Variants in HERC1 observed in about 807,000 individuals in gnomAD.
The protein encoded by HERC1 is HECT and RLD domain containing E3 ubiquitin protein ligase family member 1.
HERC1 carries 160 observed loss-of-function variants against 554.3 expected under a neutral mutation model. That is an observed-to-expected ratio of 0.29 (90% CI 0.25 to 0.33). The LOEUF (loss-of-function observed/expected upper bound fraction) is 0.33, where lower values mean the gene tolerates loss of function less well. Ranked by LOEUF, HERC1 falls within the 10% of genes least tolerant of loss-of-function variation. HERC1 has a pLI of 1.00. For missense variants in HERC1, 4,919 were observed against 5,918.5 expected (o/e 0.83, Z 5.54); for synonymous variants, 2,175 against 2,131.7 (o/e 1.02, Z -0.56).
intron 45 of HERC1, 143 bp from the exon 46 acceptor site, chr15:63,661,168 T>C: frequency 1.6e-6 from 1 of 630,662 alleles, no homozygotes; most frequent in Non-Finnish European, 2.8e-6. Context: ...TAGGCTAACA[T>C]AATAAAAACT....
intron 51 of HERC1, 72 bp from the exon 52 acceptor site, chr15:63,652,613 C>T: frequency 7.9e-7 from 1 of 1,259,848 alleles, no homozygotes; most frequent in South Asian, 1.4e-5. Flanking sequence ...AAGTTGTATC[C>T]AATTTTTAAA....
Position 63,645,672 on chromosome 15 carries a change from A to G in HERC1, c.10889T>C (p.Ile3630Thr). ...VLIDAHKDTL[I>T]SMKWDPTGHI... is the part of the protein sequence containing the mutation. ...ACCTGTAGGGTCCCACTTCATGCTA[A>G]TAAGAGTATCCTTAAAATGGAAGGA... Residue 3630 changes from isoleucine to threonine, a missense_variant, in exon 56 of 78, where the codon ATT becomes ACT. By Grantham distance (89) the Ile-to-Thr change is moderately conservative. Transcript: ENST00000443617. 5 of 1,568,972 alleles carry G rather than the reference A, an allele frequency of 3.2e-6. No individual in the cohort carries two copies. The highest frequency in any genetic ancestry group is 2.3e-5 in the East Asian group (1 of 44,056).
intron 1 of HERC1, among the ~76,000 whole-genome samples, chr15:63,787,343 G>C (rs939624150): frequency 6.6e-6 from 1 of 151,618 alleles, no homozygotes; most frequent in Non-Finnish European, 1.5e-5. Flanking sequence ...TTTTAGTAGA[G>C]GCAGGGTTTC....
chr15:63,683,809 C>A (rs2071605987), intron 34 of HERC1, among the ~76,000 whole-genome samples: 2 of 152,228 alleles, frequency 1.3e-5, no homozygotes, highest in South Asian at 4.1e-4. Context: ...GCCCCCATAA[C>A]TGGCCCCATC....
At chr15:63,759,597 T>C (rs781188190) in intron 3 of HERC1, among the ~76,000 whole-genome samples, 65 of 152,362 alleles carry the variant, frequency 4.3e-4, no homozygotes, top group East Asian at 9.6e-4. Flanking sequence ...TTGTTTACTA[T>C]ATTTTGTGAC....
chr15:63,690,546 C>A lies in HERC1; in HGVS notation c.5932G>T (p.Ala1978Ser), dbSNP rs34484871. Residue 1978 changes from alanine (A) to serine (S), a missense_variant, in exon 32 of 78, where the codon GCC (alanine) becomes TCC (serine). Coordinates refer to ENST00000443617, the MANE Select transcript of HERC1 (RefSeq NM_003922.4). ...CESGVEDDQM[A>S]QIVERLFSLL... The stretch of plus-strand genomic sequence containing the variant: ...ATAATTTTAAAAATAAAAACCTGGG[C>A]CATTTGATCATCTTCTACACCAGAT... The A allele has an allele frequency of 0.013, 20,152 of 1,594,580 alleles. 184 individuals are homozygous for A. Among genetic ancestry groups the A allele is most frequent in the Middle Eastern group, 0.03 (178 of 5,994 alleles).
intron 1 of HERC1, among the ~76,000 whole-genome samples, chr15:63,778,217 C>A (rs1323998850): frequency 6.6e-6 from 1 of 152,116 alleles, no homozygotes; most frequent in Non-Finnish European, 1.5e-5. Context: ...TTGTGGCAAG[C>A]AAAGGCAGAC....
At chr15:63,645,381 G>T in intron 56 of HERC1, 102 bp downstream of exon 56, 1 of 807,170 alleles carries the variant, frequency 1.2e-6, no homozygotes, top group Non-Finnish European at 1.9e-6. Flanking sequence ...AATAGCAACT[G>T]GCAATAAACT....
intron 69 of HERC1, 127 bp downstream of exon 69, chr15:63,630,339 A>G (rs2068491132): frequency 2.1e-6 from 2 of 955,998 alleles, no homozygotes; most frequent in African/African-American, 1.6e-5. Context: ...AATCAGTCCC[A>G]TAGCAAAGTG....
In HERC1 at chr15:63,716,421, G is replaced by A; in HGVS notation, c.4031C>T (p.Thr1344Ile). 1 of 1,613,676 alleles carries A rather than the reference G, an allele frequency of 6.2e-7. No homozygotes were observed. Among genetic ancestry groups the A allele is most frequent in the Non-Finnish European group, 8.5e-7 (1 of 1,179,734 alleles). ...ADVDPQEHSF[T>I]RTIDEEAEME... ...TTCAGCTTCTTCATCAATAGTTCGAGTAAATGAATGCTCCTGAGGATCAAC... is the reference window on the plus strand; with the variant it reads ...TTCAGCTTCTTCATCAATAGTTCGAATAAATGAATGCTCCTGAGGATCAAC... Residue 1344 changes from threonine to isoleucine, a missense_variant, in exon 22 of 78, where the codon ACT becomes ATT. Around this residue, in one of 11 missense-constraint regions of HERC1, gnomAD observed 1,121 missense variants for 1,244.0 expected, o/e 0.90. Transcript: ENST00000443617.
chr15:63,754,509 G>T lies in HERC1; in HGVS notation c.1770C>A (p.Asp590Glu). Residue 590 changes from aspartate to glutamate, a missense_variant, in exon 7 of 78, where the codon GAC (aspartate) becomes GAA (glutamate). Coordinates refer to ENST00000443617, the MANE Select transcript of HERC1 (RefSeq NM_003922.4). ...GRTVWSFGGG[D>E]NGKLGHGDTN... Reference sequence around the variant, plus strand: ...GATAAATAATTTTTTACATACCATTGTCTCCTCCTCCAAAAGACCATACAG... The same window carrying T: ...GATAAATAATTTTTTACATACCATTTTCTCCTCCTCCAAAAGACCATACAG... 1 of 1,588,116 alleles carries T rather than the reference G, an allele frequency of 6.3e-7. No individual in the cohort carries two copies. Among genetic ancestry groups the T allele is most frequent in the Non-Finnish European group, 8.6e-7 (1 of 1,169,550 alleles).
chr15:63,792,021 T>C (rs1220401195), intron 1 of HERC1, among the ~76,000 whole-genome samples: 1 of 152,180 alleles, frequency 6.6e-6, no homozygotes, highest in Non-Finnish European at 1.5e-5. Flanking sequence ...CTGATTTAAT[T>C]TTTCATTTTT....
At chr15:63,763,909 T>C (rs1211908926) in intron 3 of HERC1, among the ~76,000 whole-genome samples, 187 bp downstream of exon 3, 1 of 152,080 alleles carries the variant, frequency 6.6e-6, no homozygotes, top group Non-Finnish European at 1.5e-5. Flanking sequence ...GGGTATACAT[T>C]GAAAAGAATG....
At chr15:63,717,631 A>G (rs948525338) in intron 21 of HERC1, among the ~76,000 whole-genome samples, 12 of 152,186 alleles carry the variant, frequency 7.9e-5, no homozygotes, top group African/African-American at 2.9e-4. Context: ...AGGTGGGTGG[A>G]TCACTTGAGG....
At chr15:63,830,306 G>A (rs539287495) in intron 1 of HERC1, among the ~76,000 whole-genome samples, 17 of 152,256 alleles carry the variant, frequency 1.1e-4, no homozygotes, top group East Asian at 5.8e-4. Context: ...ACACAACATC[G>A]CTTCTGTAGT....
chr15:63,678,316 G>T lies in HERC1; in HGVS notation c.6599C>A (p.Pro2200Gln). ...TACTGGACTACAAATAGGGTCTCCT[G>T]GAAGTAAGTCTCGGGGTGTGCCACG... is the stretch of plus-strand genomic sequence containing the variant. ...QMRGTPRDLL[P>Q]GDPICSPVAA... Residue 2200 changes from proline to glutamine, a missense_variant, in exon 37 of 78, where the codon CCA becomes CAA. By Grantham distance (76) the Pro-to-Gln change is moderately conservative (BLOSUM62 -1). Transcript: ENST00000443617. 1 of 1,612,696 alleles carries T rather than the reference G, an allele frequency of 6.2e-7. No individual in the cohort carries two copies. The highest frequency in any genetic ancestry group is 8.5e-7 in the Non-Finnish European group (1 of 1,179,422).
At chr15:63,624,471 C>CGGAT in intron 71 of HERC1, 144 bp from the exon 72 acceptor site, 1 of 669,692 alleles carries the variant, frequency 1.5e-6, no homozygotes, top group Non-Finnish European at 2.4e-6. Context: ...CTGTGGTGGG[C>CGGAT]GGATCGCTTG....
Position 63,609,228 on chromosome 15 carries a change from G to A in HERC1, c.14439C>T (p.Phe4813=), listed in dbSNP as rs771365114. ...DSLPTSQTCF[F]QLRLPPYSSQ... ...TGGAGTACGGGGGCAGCCTCAGCTGGAAGAAGCAGGTCTGTGAGGTAGGCA... is the reference window on the plus strand; with the variant it reads ...TGGAGTACGGGGGCAGCCTCAGCTGAAAGAAGCAGGTCTGTGAGGTAGGCA... Residue 4813 remains phenylalanine (F), a synonymous_variant, in exon 78 of 78, where the codon TTC becomes TTT. Transcript: ENST00000443617. The A allele has an allele frequency of 5.6e-6, 9 of 1,613,390 alleles. No homozygotes were observed. In the African/African-American group the frequency reaches 1.1e-4, roughly 19 times the overall value.
chr15:63,673,412 A>G (rs2071035366), intron 38 of HERC1, among the ~76,000 whole-genome samples: 1 of 152,208 alleles, frequency 6.6e-6, no homozygotes, highest in Non-Finnish European at 1.5e-5. Flanking sequence ...CAAGAAGAAA[A>G]GGAATAAGTA....
Sources: gnomAD v4.1 joint callset for allele counts (sites outside exome capture counted in the v4.1 genomes callset) on GRCh38, gnomAD v4.1.1 for gene constraint, gnomAD v4.1.1 regional missense constraint, MANE v1.5 for transcripts, NCBI Gene and HGNC (gene_info 2026-07-23, HGNC 2026-07-21) for gene names.